GABBR2: variants seen among roughly 807,000 people sequenced by gnomAD.
The protein encoded by GABBR2 is gamma-aminobutyric acid type B receptor subunit 2.
Under a neutral mutation model 105.6 loss-of-function variants are expected in GABBR2, and 23 were observed. That is an observed-to-expected ratio of 0.22 (90% CI 0.16 to 0.31). The LOEUF (loss-of-function observed/expected upper bound fraction) is 0.31, where lower values mean the gene tolerates loss of function less well. Among genes scored for constraint, GABBR2 ranks in the 10% least tolerant of loss-of-function variants. GABBR2 has a pLI of 1.00. For synonymous variants in GABBR2, 478 were observed against 499.7 expected, an observed-to-expected ratio of 0.96 and a Z score of 0.58; for missense variants, 734 against 1,245.5, an observed-to-expected ratio of 0.59 and a Z score of 6.18.
At chr9:98,648,124 GATAGATAGAT>G (rs1830055521) in intron 1 of GABBR2, among the ~76,000 whole-genome samples, 1 of 58,866 alleles carries the variant, frequency 1.7e-5, no homozygotes, top group African/African-American at 7.5e-5. Context: ...TGTATAGATA[GATAGATAGAT>G]AGATAGATAG....
chr9:98,335,581 C>G (rs777906896), intron 13 of GABBR2, among the ~76,000 whole-genome samples: 74 of 151,988 alleles, frequency 4.9e-4, no homozygotes, highest in Admixed American at 1.2e-3. Context: ...GGGGTGTGAC[C>G]CGGGCCGGTA....
At chr9:98,635,177 T>G (rs529045154) in intron 1 of GABBR2, among the ~76,000 whole-genome samples, 9 of 152,360 alleles carry the variant, frequency 5.9e-5, no homozygotes, top group Non-Finnish European at 1.0e-4. Context: ...AATCTTTCCC[T>G]GATTAGCATA....
At chr9:98,343,141 C>T (rs938472423) in intron 13 of GABBR2, among the ~76,000 whole-genome samples, 3 of 152,214 alleles carry the variant, frequency 2.0e-5, no homozygotes. Context: ...ACTACGGAAG[C>T]TGGAGGAAAG....
At chr9:98,700,748 A>C (rs1313394173) in intron 1 of GABBR2, among the ~76,000 whole-genome samples, 1 of 152,156 alleles carries the variant, frequency 6.6e-6, no homozygotes, top group Non-Finnish European at 1.5e-5. Flanking sequence ...TGGCCAGTGG[A>C]ATATGGGTAG....
At chr9:98,357,911 T>A (rs1831516297) in intron 13 of GABBR2, among the ~76,000 whole-genome samples, 1 of 152,222 alleles carries the variant, frequency 6.6e-6, no homozygotes, top group South Asian at 2.1e-4. Flanking sequence ...TAAACAATAT[T>A]CTGTTCAGTT....
chr9:98,531,634 G>C (rs559693339), intron 3 of GABBR2, among the ~76,000 whole-genome samples: 3 of 152,356 alleles, frequency 2.0e-5, no homozygotes, highest in East Asian at 3.9e-4. Context: ...TGCAGGGGTG[G>C]GTAGGACAGA....
intron 1 of GABBR2, among the ~76,000 whole-genome samples, chr9:98,625,608 CT>C (rs1829727083): frequency 6.6e-6 from 1 of 152,150 alleles, no homozygotes; most frequent in African/African-American, 2.4e-5. Context: ...TGACCGTCCC[CT>C]ACAAACTGGA....
rs1458978282 is a variant in GABBR2 at position 98,463,961 on chromosome 9, A to G, written c.999+9185T>C. Among the ~76,000 whole-genome samples the G allele has an allele frequency of 3.3e-5, 5 of 152,146 alleles. No individual in the cohort carries two copies. The East Asian group carries it at 9.7e-4, about 29-fold the overall frequency. ...CTCAATGTTGCCCAAGCTGGAGTGCAGTGGCGTGATCTTGGCTCGCTACAA... is the reference window on the plus strand; with the variant it reads ...CTCAATGTTGCCCAAGCTGGAGTGCGGTGGCGTGATCTTGGCTCGCTACAA... On this transcript the variant is annotated intron_variant, in intron 6 of 18. Coordinates refer to ENST00000259455, the MANE Select transcript of GABBR2 (RefSeq NM_005458.8).
At chr9:98,569,324 T>A (rs1828794353) in intron 2 of GABBR2, among the ~76,000 whole-genome samples, 1 of 152,130 alleles carries the variant, frequency 6.6e-6, no homozygotes, top group Non-Finnish European at 1.5e-5. Flanking sequence ...AGGCAGACGT[T>A]GTGTGTACTT....
At chr9:98,362,367 A>C (rs55943512) in intron 13 of GABBR2, among the ~76,000 whole-genome samples, 12,999 of 152,280 alleles carry the variant, frequency 0.085, 687 homozygotes, top group African/African-American at 0.14. Flanking sequence ...ATGTTTACAC[A>C]CTAGTAGCAC....
chr9:98,320,774 A>C (rs1182107866), intron 13 of GABBR2, among the ~76,000 whole-genome samples: 1 of 145,648 alleles, frequency 6.9e-6, no homozygotes, highest in African/African-American at 2.5e-5. Flanking sequence ...TGGGAATTGA[A>C]CAATGAGATC....
intron 1 of GABBR2, among the ~76,000 whole-genome samples, chr9:98,590,855 T>C (rs1829137140): frequency 6.6e-6 from 1 of 152,118 alleles, no homozygotes; most frequent in African/African-American, 2.4e-5. Flanking sequence ...GTGAGAGACA[T>C]GGAAATAATT....
intron 1 of GABBR2, among the ~76,000 whole-genome samples, chr9:98,667,602 C>T (rs1182291692): frequency 1.3e-5 from 2 of 152,208 alleles, no homozygotes; most frequent in Non-Finnish European, 2.9e-5. Flanking sequence ...CTTCAGGGCT[C>T]CCTGCGGCAT....
intron 13 of GABBR2, among the ~76,000 whole-genome samples, chr9:98,327,353 C>A (rs1002067061): frequency 1.3e-5 from 2 of 152,066 alleles, no homozygotes; most frequent in Non-Finnish European, 2.9e-5. Flanking sequence ...AGCCTGCCCC[C>A]ACCTGCTCAA....
intron 13 of GABBR2, among the ~76,000 whole-genome samples, chr9:98,337,232 G>A (rs549057589): frequency 1.3e-5 from 2 of 152,188 alleles, no homozygotes; most frequent in African/African-American, 2.4e-5. Flanking sequence ...TTGAACCCGG[G>A]AGGCGGAGGT....
At chr9:98,325,282 TC>T (rs565856296) in intron 13 of GABBR2, among the ~76,000 whole-genome samples, 12 of 134,850 alleles carry the variant, frequency 8.9e-5, no homozygotes, top group African/African-American at 1.7e-4. Context: ...GGACAGCAAT[TC>T]TTTTTTTTTT....
intron 1 of GABBR2, among the ~76,000 whole-genome samples, chr9:98,600,471 A>G (rs139900306): frequency 6.8e-4 from 104 of 152,316 alleles, no homozygotes; most frequent in African/African-American, 2.5e-3. Flanking sequence ...AAATGTGGTC[A>G]GTGTCCCAGA....
At chr9:98,570,854 G>A (rs556571056) in intron 2 of GABBR2, among the ~76,000 whole-genome samples, 27 of 152,340 alleles carry the variant, frequency 1.8e-4, no homozygotes, top group Admixed American at 3.9e-4. Flanking sequence ...GGCTGCAGCT[G>A]GAGAGTCCTT....
chr9:98,483,907 T>C (rs1229335386), intron 4 of GABBR2, among the ~76,000 whole-genome samples: 1 of 152,208 alleles, frequency 6.6e-6, no homozygotes, highest in African/African-American at 2.4e-5. Context: ...ACTTGACTTA[T>C]CTCTAAGTCC....
Sources: allele counts gnomAD v4.1 joint callset (sites outside exome capture counted in the v4.1 genomes callset), GRCh38; gene constraint gnomAD v4.1.1; transcripts MANE v1.5; gene names NCBI Gene and HGNC (gene_info 2026-07-23, HGNC 2026-07-21).